Variants in GRID2 observed in about 807,000 individuals in gnomAD.
GRID2 encodes glutamate ionotropic receptor delta type subunit 2.
In GRID2, 33 loss-of-function variants were observed where a neutral mutation model predicts 114.8. The ratio of observed to expected loss-of-function variants is 0.29; its 90% CI spans 0.22 to 0.38. The LOEUF (loss-of-function observed/expected upper bound fraction) is 0.38. Ranked by LOEUF, GRID2 falls within the 10% of genes least tolerant of loss-of-function variation. GRID2 has a pLI of 1.00. For missense variants in GRID2, 1,184 were observed against 1,257.7 expected (o/e 0.94, Z 0.89); for synonymous variants, 505 against 449.9 (o/e 1.12, Z -1.55).
At chr4:93,669,737 C>G (rs879823549) in intron 14 of GRID2, among the ~76,000 whole-genome samples, 11 of 152,074 alleles carry the variant, frequency 7.2e-5, no homozygotes, top group Admixed American at 1.3e-4. Context: ...TCAGTTTCTC[C>G]AGACAGTATA....
intron 2 of GRID2, among the ~76,000 whole-genome samples, chr4:92,674,058 C>T (rs1436293103): frequency 6.6e-6 from 1 of 152,054 alleles, no homozygotes; most frequent in Non-Finnish European, 1.5e-5. Flanking sequence ...TTATTACAAG[C>T]TACTTTATAT....
At chr4:92,715,395 G>C (rs761732896) in intron 2 of GRID2, among the ~76,000 whole-genome samples, 3 of 151,988 alleles carry the variant, frequency 2.0e-5, no homozygotes, top group Non-Finnish European at 4.4e-5. Flanking sequence ...CCCTCCAAAC[G>C]GTTCTAACTT....
chr4:92,862,282 T>C (rs1009085865), intron 2 of GRID2, among the ~76,000 whole-genome samples: 2 of 152,094 alleles, frequency 1.3e-5, no homozygotes, highest in African/African-American at 4.8e-5. Flanking sequence ...GGATGTTTTA[T>C]GCAAATTAAT....
At position 92,665,288 on chromosome 4, in the gene GRID2, CA is replaced by C. The variant is rs34581647; in HGVS notation, c.244+75016del. Among the ~76,000 whole-genome samples the C allele has an allele frequency of 2.9e-3, 391 of 134,432 alleles. 1 individual carries two copies. The highest frequency in any genetic ancestry group is 7.6e-3 in the African/African-American group (278 of 36,696). The allele number at this position is 134,432 out of a possible 152,430, so 88.2% of individuals were successfully genotyped here. A position where few individuals can be genotyped will look rare whatever the true frequency, so the allele number is the denominator to read the frequency against. On this transcript the variant is annotated intron_variant, in intron 2 of 15. Transcript: ENST00000282020. ...ATTTAAGCCATTTTAACTTCAATAACAAAAAAAAAAAAAACCTCTGCTCCTT... is the reference window on the plus strand; with the variant it reads ...ATTTAAGCCATTTTAACTTCAATAACAAAAAAAAAAAAACCTCTGCTCCTT...
intron 8 of GRID2, 70 bp downstream of exon 8, chr4:93,238,560 G>A: frequency 7.5e-7 from 1 of 1,336,310 alleles, no homozygotes; most frequent in Non-Finnish European, 1.1e-6. Flanking sequence ...TTTCCATGCA[G>A]TATGATCACA....
intron 2 of GRID2, among the ~76,000 whole-genome samples, chr4:92,943,783 G>A (rs1314260455): frequency 6.6e-6 from 1 of 152,116 alleles, no homozygotes; most frequent in Non-Finnish European, 1.5e-5. Flanking sequence ...TTGTTTGTTA[G>A]TGTTCCTTCT....
intron 8 of GRID2, among the ~76,000 whole-genome samples, chr4:93,240,118 T>C (rs115041553): frequency 0.011 from 1,618 of 151,782 alleles, 12 homozygotes; most frequent in Non-Finnish European, 0.012. Context: ...TGGATACTTT[T>C]ATGCTTGTAG....
chr4:92,606,487 C>A (rs1579671370), intron 2 of GRID2, among the ~76,000 whole-genome samples: 1 of 151,934 alleles, frequency 6.6e-6, no homozygotes, highest in Admixed American at 6.6e-5. Flanking sequence ...GAAGGTAAGG[C>A]ATTTATTTTC....
chr4:92,886,513 G>T (rs1746377230), intron 2 of GRID2, among the ~76,000 whole-genome samples: 1 of 151,906 alleles, frequency 6.6e-6, no homozygotes, highest in Admixed American at 6.6e-5. Context: ...CTGTCTCCAA[G>T]AAAAATATCC....
intron 4 of GRID2, among the ~76,000 whole-genome samples, chr4:93,160,694 G>A (rs1267578047): frequency 5.9e-5 from 9 of 151,672 alleles, no homozygotes; most frequent in East Asian, 1.9e-4. Flanking sequence ...ATAAAATATG[G>A]GTTCATTCTG....
At chr4:92,675,551 A>ATTTTTTTTTTTTTTT (rs576488084) in intron 2 of GRID2, among the ~76,000 whole-genome samples, 1 of 133,030 alleles carries the variant, frequency 7.5e-6, no homozygotes, top group African/African-American at 2.8e-5. Flanking sequence ...TTGGGCTACA[A>ATTTTTTTTTTTTTTT]TTTTTTTTTT....
chr4:93,667,938 T>A (rs1288736442), intron 14 of GRID2, among the ~76,000 whole-genome samples: 1 of 151,978 alleles, frequency 6.6e-6, no homozygotes, highest in Non-Finnish European at 1.5e-5. Flanking sequence ...AGTGGCATAT[T>A]ATGGAACTAG....
At chr4:93,544,226 A>G (rs1330747561) in intron 13 of GRID2, among the ~76,000 whole-genome samples, 2 of 152,126 alleles carry the variant, frequency 1.3e-5, no homozygotes, top group Non-Finnish European at 2.9e-5. Flanking sequence ...AAATGTGTGG[A>G]ATAGATAATA....
At chr4:92,307,680 G>A (rs1725478853) in intron 1 of GRID2, among the ~76,000 whole-genome samples, 1 of 151,956 alleles carries the variant, frequency 6.6e-6, no homozygotes, top group Admixed American at 6.6e-5. Context: ...ATTTATTTTA[G>A]TCAAAAATGC....
chr4:93,003,157 T>G lies in GRID2; in HGVS notation c.245-81838T>G, dbSNP rs187064027. On this transcript the variant is annotated intron_variant, in intron 2 of 15. Transcript: ENST00000282020. ...CCAAGATGTTAGCATTTAAATATCT[T>G]TGTGGTTATTCAGCCTACCAAAATG... is the stretch of plus-strand genomic sequence containing the variant. 6.8e-4 allele frequency among the ~76,000 whole-genome samples: 104 copies of G among 152,038 alleles called. 1 individual carries two copies. The highest frequency in any genetic ancestry group is 2.4e-3 in the African/African-American group (99 of 41,558).
rs191503348 is a variant in GRID2 at position 92,888,800 on chromosome 4, A to T, written c.245-196195A>T. ...TTTATCTAGTAGCTGACAACCATAT[A>T]GTGATCCACTTATCAGTTCTTTTTA... On this transcript the variant is annotated intron_variant, in intron 2 of 15. Coordinates refer to ENST00000282020, the MANE Select transcript of GRID2 (RefSeq NM_001510.4). 4.1e-3 allele frequency among the ~76,000 whole-genome samples: 620 copies of T among 151,534 alleles called. 7 individuals are homozygous for T. Among genetic ancestry groups the T allele is most frequent in the African/African-American group, 0.014 (584 of 41,286 alleles).
At chr4:92,635,828 C>G (rs1731040150) in intron 2 of GRID2, among the ~76,000 whole-genome samples, 1 of 151,984 alleles carries the variant, frequency 6.6e-6, no homozygotes, top group Non-Finnish European at 1.5e-5. Flanking sequence ...ATTTTATTTA[C>G]TAGAGTTTAT....
At chr4:93,603,511 C>T (rs146376165) in intron 13 of GRID2, among the ~76,000 whole-genome samples, 24 of 152,284 alleles carry the variant, frequency 1.6e-4, no homozygotes, top group African/African-American at 2.4e-4. Flanking sequence ...GCAGACACTG[C>T]GGCAGGTGAT....
At position 93,611,679 on chromosome 4, in the gene GRID2, A is replaced by G. The variant is rs1453486729; in HGVS notation, c.2194-14590A>G. ...GTTTGATTGCACTGTGGTCTGAGAGATAGTTTGTTATAATTTCTGTTCTTT... is the reference window on the plus strand; with the variant it reads ...GTTTGATTGCACTGTGGTCTGAGAGGTAGTTTGTTATAATTTCTGTTCTTT... On this transcript the variant is annotated intron_variant, in intron 13 of 15. Transcript: ENST00000282020. Among the ~76,000 whole-genome samples the G allele has an allele frequency of 1.5e-3, 168 of 108,472 alleles. 2 individuals carry two copies. The highest frequency in any genetic ancestry group is 7.1e-3 in the African/African-American group (152 of 21,542). The allele number at this position is 108,472 out of a possible 152,430, so 71.2% of individuals were successfully genotyped here. A position where few individuals can be genotyped will look rare whatever the true frequency, so the allele number is the denominator to read the frequency against.
Sources: gnomAD v4.1 joint callset for allele counts (sites outside exome capture counted in the v4.1 genomes callset) on GRCh38, gnomAD v4.1.1 for gene constraint, MANE v1.5 for transcripts, NCBI Gene and HGNC (gene_info 2026-07-23, HGNC 2026-07-21) for gene names.